Variants in VWA8 observed in about 807,000 individuals in gnomAD.
VWA8 encodes von Willebrand factor A domain containing 8.
Under a neutral mutation model 241.5 loss-of-function variants are expected in VWA8, and 221 were observed. The observed-to-expected ratio is 0.91, with a 90% CI of 0.82 to 1.02. The LOEUF is 1.02. Among genes scored for constraint, VWA8 ranks in the 50% least tolerant of loss-of-function variants. The pLI is 0.00. For missense variants in VWA8, 2,322 were observed against 2,328.7 expected, an observed-to-expected ratio of 1.00 and a Z score of 0.06; for synonymous variants, 852 against 827.1, an observed-to-expected ratio of 1.03 and a Z score of -0.52.
chr13:41,724,803 A>G (rs1032759335), intron 24 of VWA8, among the ~76,000 whole-genome samples: 1 of 152,226 alleles, frequency 6.6e-6, no homozygotes, highest in Non-Finnish European at 1.5e-5. Flanking sequence ...CTCTTGCAGT[A>G]AGTGAATGTT....
In VWA8 at chr13:41,757,374, A is replaced by G. The variant is rs529733246; in HGVS notation, c.2426+3754T>C. On this transcript the variant is annotated intron_variant, in intron 21 of 44. Coordinates refer to ENST00000379310, the MANE Select transcript of VWA8 (RefSeq NM_015058.2). Reference sequence around the variant, plus strand: ...CAAAGAACCATGAGAAGATATAAAAATAGTGTGGTAAAAATTTGGATGAAG... The same window carrying G: ...CAAAGAACCATGAGAAGATATAAAAGTAGTGTGGTAAAAATTTGGATGAAG... Among the ~76,000 whole-genome samples the G allele has an allele frequency of 3.3e-5, 5 of 151,960 alleles. No individual in the cohort carries two copies. In the East Asian group the frequency reaches 9.7e-4, roughly 29 times the overall value.
Position 41,868,332 on chromosome 13 carries a change from C to G in VWA8, c.1212+14G>C. ...AAGGTATATCATAGAAAGAATAAAC[C>G]TGTGATTAATTACCTTAATGGTCAC... is the stretch of plus-strand genomic sequence containing the variant. On this transcript the variant is annotated intron_variant, in intron 10 of 44. Transcript: ENST00000379310. The G allele has an allele frequency of 6.2e-7, 1 of 1,613,232 alleles. No homozygotes were observed. Among genetic ancestry groups the G allele is most frequent in the Non-Finnish European group, 8.5e-7 (1 of 1,179,726 alleles).
intron 35 of VWA8, among the ~76,000 whole-genome samples, chr13:41,675,712 G>A (rs1393623831): frequency 6.6e-6 from 1 of 151,992 alleles, no homozygotes; most frequent in Non-Finnish European, 1.5e-5. Context: ...GCTGTGTTAG[G>A]TTGGTCAAGT....
intron 44 of VWA8, among the ~76,000 whole-genome samples, chr13:41,570,036 T>C (rs950830534): frequency 6.6e-6 from 1 of 152,204 alleles, no homozygotes; most frequent in Non-Finnish European, 1.5e-5. Context: ...TGTGTGTATA[T>C]ATATGTCTAA....
intron 14 of VWA8, among the ~76,000 whole-genome samples, chr13:41,822,946 G>A (rs1452692148): frequency 1.3e-5 from 2 of 152,136 alleles, no homozygotes; most frequent in South Asian, 4.1e-4. Flanking sequence ...GGATGAGAGA[G>A]GAGGGTAAAA....
At chr13:41,839,324 G>A (rs552175955) in intron 12 of VWA8, among the ~76,000 whole-genome samples, 7 of 152,088 alleles carry the variant, frequency 4.6e-5, no homozygotes, top group African/African-American at 1.2e-4. Context: ...CATATCCTTC[G>A]CCCACTGTTT....
At chr13:41,847,616 G>A (rs927889697) in intron 12 of VWA8, among the ~76,000 whole-genome samples, 1 of 152,148 alleles carries the variant, frequency 6.6e-6, no homozygotes, top group African/African-American at 2.4e-5. Context: ...GAAAAATACT[G>A]GTCCCACCTC....
intron 2 of VWA8, among the ~76,000 whole-genome samples, chr13:41,943,997 C>T (rs1288789106): frequency 4.0e-5 from 6 of 151,698 alleles, no homozygotes; most frequent in Admixed American, 1.3e-4. Flanking sequence ...CCCAGCTACT[C>T]GGGAGGCTGA....
chr13:41,792,469 T>C (rs1869503989), intron 17 of VWA8, among the ~76,000 whole-genome samples: 1 of 151,974 alleles, frequency 6.6e-6, no homozygotes, highest in South Asian at 2.1e-4. Context: ...ATTCTAATAG[T>C]CTATTTGTTT....
At chr13:41,931,018 G>A (rs915915589) in intron 2 of VWA8, among the ~76,000 whole-genome samples, 1 of 151,692 alleles carries the variant, frequency 6.6e-6, no homozygotes, top group Non-Finnish European at 1.5e-5. Context: ...GCATGGTGGC[G>A]CACGCCTGTA....
chr13:41,602,127 G>T (rs1289978062), intron 40 of VWA8, among the ~76,000 whole-genome samples: 1 of 152,026 alleles, frequency 6.6e-6, no homozygotes, highest in Non-Finnish European at 1.5e-5. Context: ...TGAGTAGCTA[G>T]GTTTTAAACT....
At chr13:41,903,863 T>C (rs1875575609) in intron 4 of VWA8, among the ~76,000 whole-genome samples, 1 of 152,090 alleles carries the variant, frequency 6.6e-6, no homozygotes, top group African/African-American at 2.4e-5. Context: ...GGAAATAAGA[T>C]AAAATAAAAA....
At chr13:41,808,024 T>C (rs145725603) in intron 17 of VWA8, 1 of 152,264 alleles carries the variant, frequency 6.6e-6, no homozygotes, top group Non-Finnish European at 1.5e-5. Flanking sequence ...AAATATTCCA[T>C]GTCAAATGAA....
intron 12 of VWA8, among the ~76,000 whole-genome samples, chr13:41,834,000 T>G (rs536355535): frequency 4.9e-4 from 74 of 152,330 alleles, no homozygotes; most frequent in African/African-American, 1.7e-3. Flanking sequence ...TTTCTAGCAG[T>G]TGATGAGTTT....
intron 37 of VWA8, among the ~76,000 whole-genome samples, chr13:41,651,483 T>C (rs903795834): frequency 6.6e-6 from 1 of 152,162 alleles, no homozygotes; most frequent in African/African-American, 2.4e-5. Context: ...AACTTTTCTA[T>C]AAAAAGCCAC....
In VWA8 at chr13:41,573,488, T is replaced by TAAATAA. The variant is rs1472867016; in HGVS notation, c.5370+2251_5370+2252insTTATTT. The stretch of plus-strand genomic sequence containing the variant: ...TGGCTATAGTTTAAAAAAAAAAAAA[T>TAAATAA]ATATATATATATATATATACCTCTC... On this transcript the variant is annotated intron_variant, in intron 43 of 44. Transcript: ENST00000379310. 8.3e-4 allele frequency among the ~76,000 whole-genome samples: 94 copies of TAAATAA among 113,272 alleles called. 1 individual carries two copies. Among genetic ancestry groups the TAAATAA allele is most frequent in the African/African-American group, 3.2e-3 (92 of 28,484 alleles). 74.3% of individuals were successfully genotyped at this position (113,272 alleles called of 152,430 possible). A position where few individuals can be genotyped will look rare whatever the true frequency, so the allele number is the denominator to read the frequency against.
chr13:41,610,531 G>C (rs1593648485), intron 39 of VWA8, among the ~76,000 whole-genome samples: 1 of 151,594 alleles, frequency 6.6e-6, no homozygotes, highest in Admixed American at 6.6e-5. Context: ...CTTTCCTGAG[G>C]GTGTGGCGGC....
At chr13:41,931,013 G>A (rs550673950) in intron 2 of VWA8, among the ~76,000 whole-genome samples, 8 of 151,982 alleles carry the variant, frequency 5.3e-5, no homozygotes, top group African/African-American at 1.7e-4. Flanking sequence ...GATGGGCATG[G>A]TGGCGCACGC....
rs372729670 is a variant in VWA8, at chr13:41,875,815, TTC to T, written c.1081-7340_1081-7339del. ...TTTACAAACCATCATGACCCCGATTTTCTCTCTCCAGTACAGATCTCTCTCCT... is the reference window on the plus strand; with the variant it reads ...TTTACAAACCATCATGACCCCGATTTTCTCTCCAGTACAGATCTCTCTCCT... On this transcript the variant is annotated intron_variant, in intron 9 of 44. Coordinates refer to ENST00000379310, the MANE Select transcript of VWA8 (RefSeq NM_015058.2). Among the ~76,000 whole-genome samples the T allele has an allele frequency of 2.1e-3, 326 of 152,142 alleles. 2 individuals carry two copies. Among genetic ancestry groups the T allele is most frequent in the African/African-American group, 6.9e-3 (287 of 41,516 alleles).
Sources: allele counts gnomAD v4.1 joint callset (sites outside exome capture counted in the v4.1 genomes callset), GRCh38; gene constraint gnomAD v4.1.1; transcripts MANE v1.5; gene names NCBI Gene and HGNC (gene_info 2026-07-23, HGNC 2026-07-21).